Variants in EPS8L2 observed in about 807,000 individuals in gnomAD.
EPS8L2 encodes the protein epidermal growth factor receptor kinase substrate 8-like protein 2.
Under a neutral mutation model 99.4 loss-of-function variants are expected in EPS8L2, and 81 were observed. The observed-to-expected ratio is 0.82, with a 90% confidence interval of 0.68 to 0.98. The LOEUF (loss-of-function observed/expected upper bound fraction) is 0.98, where lower values mean the gene tolerates loss of function less well. EPS8L2 is among the 50% of genes least tolerant of loss of function. The probability of loss-of-function intolerance (pLI) is 0.00; values close to 1 mark genes in which losing one functional copy is unlikely to be tolerated. For synonymous variants in EPS8L2, 509 were observed against 407.3 expected (o/e 1.25, Z -3.01); for missense variants, 1,155 against 968.8 (o/e 1.19, Z -2.55).
intron 5 of EPS8L2, 154 bp from the exon 6 acceptor site, chr11:720,443 G>C: frequency 7.9e-7 from 1 of 1,269,284 alleles, no homozygotes; most frequent in Non-Finnish European, 1.1e-6. Context: ...GTACAGCTGC[G>C]GGGTGTGTCC....
At chr11:714,862 G>A (rs758780148) in intron 4 of EPS8L2, among the ~76,000 whole-genome samples, 62 of 152,030 alleles carry the variant, frequency 4.1e-4, no homozygotes, top group Non-Finnish European at 6.5e-4. Context: ...TGTAATTTTC[G>A]TATAATGCCT....
At position 722,453 on chromosome 11, in the gene EPS8L2, T is replaced by G. The variant is rs1476909897; in HGVS notation, c.1112T>G (p.Leu371Arg). ...ATCGCACGCTCCGTCTCCTGCCCAC[T>G]GCTCTCCCGAGATGCCGTGGACTTC... ...PDIARSVSCPLLSRDAVDFLR... is the reference protein window; with the variant it reads ...PDIARSVSCPRLSRDAVDFLR... Residue 371 changes from leucine (L) to arginine (R), a missense_variant, in exon 13 of 21, where the codon CTG (leucine) becomes CGG (arginine). Coordinates refer to ENST00000318562, the MANE Select transcript of EPS8L2 (RefSeq NM_022772.4). 2.5e-6 allele frequency: 4 copies of G among 1,613,412 alleles called. No individual in the cohort carries two copies. The highest frequency in any genetic ancestry group is 3.4e-6 in the Non-Finnish European group (4 of 1,179,938).
chr11:724,643 AGCTGCT>A lies in EPS8L2; in HGVS notation c.1455-78_1455-73del. ...GAGGCAGCCAGTCGTGCACCTGGGA[AGCTGCT>A]GCCCCCCAGCCACTGCCCAGGTCTC... is the stretch of plus-strand genomic sequence containing the variant. On this transcript the variant is annotated intron_variant, in intron 15 of 20. Coordinates refer to ENST00000318562, the MANE Select transcript of EPS8L2 (RefSeq NM_022772.4). The surrounding 1 kb of genome is among the most constrained non-coding windows in gnomAD (Gnocchi z 5.5). 4 of 936,780 alleles carry A rather than the reference AGCTGCT, an allele frequency of 4.3e-6. No homozygotes were observed. Among genetic ancestry groups the A allele is most frequent in the Non-Finnish European group, 7.0e-6 (4 of 571,168 alleles). 58.0% of individuals were successfully genotyped at this position (936,780 alleles called of 1,614,324 possible).
intron 4 of EPS8L2, among the ~76,000 whole-genome samples, chr11:714,319 T>G (rs924140338): frequency 6.6e-6 from 1 of 151,524 alleles, no homozygotes; most frequent in African/African-American, 2.4e-5. Context: ...AACCTCCACC[T>G]CTTGGGTTCA....
chr11:709,417 T>C lies in EPS8L2; in HGVS notation c.10T>C (p.Ser4Pro), dbSNP rs762542419. ...CGCCACCCAAGACACCATGAGCCAG[T>C]CCGGGGCCGTGAGCTGCTGCCCGGG... The part of the protein sequence containing the change: MSQ[S>P]GAVSCCPGAT... The change falls in exon 2 of 21, where the codon TCC becomes CCC. Residue 4 changes from serine (S) to proline (P), a missense_variant. Transcript: ENST00000318562. The C allele has an allele frequency of 1.9e-6, 3 of 1,590,040 alleles. No homozygotes were observed. The highest frequency in any genetic ancestry group is 2.7e-5 in the African/African-American group (2 of 74,400).
intron 4 of EPS8L2, among the ~76,000 whole-genome samples, chr11:715,880 A>G (rs1389474204): frequency 2.0e-5 from 3 of 151,732 alleles, no homozygotes; most frequent in Admixed American, 2.0e-4. Context: ...TCGGCCTCCT[A>G]AAGTGCTGGG....
chr11:720,306 G>T, intron 5 of EPS8L2, 83 bp downstream of exon 5: 1 of 1,465,032 alleles, frequency 6.8e-7, no homozygotes, highest in Non-Finnish European at 9.3e-7. Context: ...ATGTGCGGCC[G>T]GTCCTCTCTG....
At chr11:714,640 T>A (rs1279240678) in intron 4 of EPS8L2, among the ~76,000 whole-genome samples, 1 of 147,458 alleles carries the variant, frequency 6.8e-6, no homozygotes, top group East Asian at 1.9e-4. Flanking sequence ...ATTTAATTTT[T>A]AAATTTTATT....
chr11:720,121 C>A lies in EPS8L2; in HGVS notation c.225C>A (p.Ile75=), dbSNP rs1463862240. The change falls in exon 5 of 21, where the codon ATC becomes ATA. Residue 75 remains isoleucine (I), a synonymous_variant. Transcript: ENST00000318562. ...SEAITSVDDA[I]RKLVQLSSKE... ...CCATCACGTCTGTGGACGACGCCAT[C>A]CGGAAGCTGGTGCAGCTGAGCTCCA... 6.2e-7 allele frequency: 1 copy of A among 1,613,410 alleles called. No homozygotes were observed. Among genetic ancestry groups the A allele is most frequent in the Non-Finnish European group, 8.5e-7 (1 of 1,179,972 alleles).
At position 727,022 on chromosome 11, in the gene EPS8L2, A is replaced by G; in HGVS notation, c.*41A>G. On this transcript the variant is annotated 3_prime_UTR_variant, in exon 21 of 21. Transcript: ENST00000318562. ...GCTGGGGCCTGCGGAGGGGAAGCCC[A>G]CCCACAATGCATGGAGTATTATTTT... 1.5e-6 allele frequency: 2 copies of G among 1,316,760 alleles called. No homozygotes were observed. Among genetic ancestry groups the G allele is most frequent in the Non-Finnish European group, 2.2e-6 (2 of 916,470 alleles). 81.6% of individuals were successfully genotyped at this position (1,316,760 alleles called of 1,614,324 possible).
chr11:716,955 C>T (rs942253301), intron 4 of EPS8L2, among the ~76,000 whole-genome samples: 2 of 152,124 alleles, frequency 1.3e-5, no homozygotes, highest in Admixed American at 6.5e-5. Context: ...TAGTCCCTTG[C>T]GTGTTTCTGC....
chr11:720,740 G>A lies in EPS8L2; in HGVS notation c.471G>A (p.Glu157=). The A allele has an allele frequency of 1.9e-6, 3 of 1,573,722 alleles. No individual in the cohort carries two copies. The highest frequency in any genetic ancestry group is 2.6e-6 in the Non-Finnish European group (3 of 1,160,822). Residue 157 remains glutamate, a synonymous_variant, in exon 6 of 21, where the codon GAG becomes GAA. Coordinates refer to ENST00000318562, the MANE Select transcript of EPS8L2 (RefSeq NM_022772.4). ...KPDVHFFHCD[E]VEAELVHEDI... ...ATGTCCACTTCTTCCACTGCGATGA[G>A]GTGGAGGTGAGGCGGTGCCGGGCGG...
At chr11:720,978 G>GCCCGGCAGGGGTGGGGAGGAGC in intron 7 of EPS8L2, 69 bp downstream of exon 7, 2 of 1,097,672 alleles carry the variant, frequency 1.8e-6, no homozygotes, top group Non-Finnish European at 1.2e-6. Context: ...GAGGGGAGGA[G>GCCCGGCAGGGGTGGGGAGGAGC]CCGGCAGGGG....
chr11:707,348 C>A (rs578126056), intron 1 of EPS8L2, among the ~76,000 whole-genome samples: 3 of 152,190 alleles, frequency 2.0e-5, no homozygotes, highest in Admixed American at 1.3e-4. Context: ...CCCCACCCAG[C>A]GCCTATGAGG....
At chr11:707,654 C>T (rs1174358090) in intron 1 of EPS8L2, among the ~76,000 whole-genome samples, 3 of 152,038 alleles carry the variant, frequency 2.0e-5, no homozygotes, top group African/African-American at 7.2e-5. Context: ...TACCCATGTG[C>T]TTCAGACCCA....
chr11:710,231 G>T (rs1456303274), intron 3 of EPS8L2, 191 bp from the exon 4 acceptor site: 2 of 593,324 alleles, frequency 3.4e-6, no homozygotes, highest in African/African-American at 1.9e-5. Context: ...CTCCAAGGGG[G>T]CTTCCCTGGA....
chr11:716,349 C>T (rs542387641), intron 4 of EPS8L2, among the ~76,000 whole-genome samples: 48 of 152,140 alleles, frequency 3.2e-4, no homozygotes, highest in East Asian at 7.7e-4. Context: ...AGGGTTTCAC[C>T]GTGTTAGCCA....
Position 727,246 on chromosome 11 carries a change from A to G in EPS8L2, c.*265A>G. 9.2e-6 allele frequency: 3 copies of G among 326,116 alleles called. No homozygotes were observed. The highest frequency in any genetic ancestry group is 1.7e-5 in the Non-Finnish European group (3 of 177,708). The allele number at this position is 326,116 out of a possible 1,614,324, so 20.2% of individuals were successfully genotyped here. On this transcript the variant is annotated 3_prime_UTR_variant, in exon 21 of 21. Coordinates refer to ENST00000318562, the MANE Select transcript of EPS8L2 (RefSeq NM_022772.4). ...GTCCACCTTCTCTTGAGGCCACAGA[A>G]CTCCCTGGGGCTGGGGCCTCTTTCT...
chr11:711,837 G>T (rs1390045605), intron 4 of EPS8L2, among the ~76,000 whole-genome samples: 4 of 151,070 alleles, frequency 2.6e-5, no homozygotes, highest in Non-Finnish European at 5.9e-5. Context: ...TACAAAATTA[G>T]CCAGGCGTCG....
Sources: allele counts gnomAD v4.1 joint callset (sites outside exome capture counted in the v4.1 genomes callset), GRCh38; gene constraint gnomAD v4.1.1; non-coding constraint Gnocchi (gnomAD v3.1); transcripts MANE v1.5; gene names NCBI Gene and HGNC (gene_info 2026-07-23, HGNC 2026-07-21).